PAH: variants seen among roughly 807,000 people sequenced by gnomAD.
PAH encodes phenylalanine hydroxylase, also known as phenylalanine-4-hydroxylase.
PAH carries 64 observed loss-of-function variants against 62.0 expected under a neutral mutation model. The observed-to-expected ratio is 1.03, with a 90% CI of 0.84 to 1.27. The LOEUF is 1.27. PAH is among the 50% of genes most tolerant of loss of function. The pLI is 0.00. For synonymous variants in PAH, 195 were observed against 196.2 expected (o/e 0.99, Z 0.05); for missense variants, 579 against 542.8 (o/e 1.07, Z -0.66).
At chr12:102,894,991 C>A in intron 2 of PAH, 73 bp from the exon 3 acceptor site, 1 of 1,093,234 alleles carries the variant, frequency 9.1e-7, no homozygotes, top group Non-Finnish European at 1.4e-6. Context: ...AGAACCAGAA[C>A]AGGAAAACCT....
chr12:102,919,886 T>C (rs34586248), upstream of PAH, among the ~76,000 whole-genome samples: 22,685 of 152,220 alleles, frequency 0.15, 1,760 homozygotes, highest in Middle Eastern at 0.16. Context: ...TTGGCTATTG[T>C]GAACAGTGCT....
At position 102,836,949 on chromosome 12, in the gene PAH, C is replaced by CT. The variant is rs1874389680; in HGVS notation, c.*2225dup. 6.6e-6 allele frequency: 1 copy of CT among 152,146 alleles called. No homozygotes were observed. The highest frequency in any genetic ancestry group is 2.1e-4 in the South Asian group (1 of 4,832). 9.4% of individuals were successfully genotyped at this position (152,146 alleles called of 1,614,324 possible). On this transcript the variant is annotated 3_prime_UTR_variant, in exon 13 of 13. Transcript: ENST00000553106. ...TTTGAAACACAACTAAATTATATAA[C>CT]TTAGAAACCTACAGTTAAAATTCAG...
chr12:102,923,738 A>AT (rs1878613912), intron 1 of PAH: 1 of 152,162 alleles, frequency 6.6e-6, no homozygotes, highest in African/African-American at 2.4e-5. Context: ...TATTTCTCTA[A>AT]TGGGATATTT....
chr12:102,900,717 GC>G (rs1755467498), intron 2 of PAH, among the ~76,000 whole-genome samples: 1 of 152,072 alleles, frequency 6.6e-6, no homozygotes, highest in Non-Finnish European at 1.5e-5. Context: ...AATTTTGATT[GC>G]TAAGAGAGCC....
chr12:102,877,625 T>C, intron 3 of PAH, 75 bp from the exon 4 acceptor site: 3 of 1,110,642 alleles, frequency 2.7e-6, no homozygotes, highest in Non-Finnish European at 4.2e-6. Flanking sequence ...AGATCAGAAG[T>C]GGGGATCCCA....
rs569268593 is a variant in PAH, at chr12:102,936,936, G to A, written c.-96+13653C>T. Among the ~76,000 whole-genome samples, 32 of 152,238 alleles carry A rather than the reference G, an allele frequency of 2.1e-4. No homozygotes were observed. In the South Asian group the frequency reaches 6.2e-3, roughly 30 times the overall value. On this transcript the variant is annotated intron_variant, in intron 1 of 3. Coordinates refer to the PAH transcript ENST00000546844. ...TCATAATCCCCACATGTAGTGGGAG[G>A]GACCTGCTGGGAGGTAATTTAATTA... is the stretch of plus-strand genomic sequence containing the variant.
At position 102,897,601 on chromosome 12, in the gene PAH, G is replaced by A. The variant is rs367686901; in HGVS notation, c.169-2683C>T. 8.5e-5 allele frequency among the ~76,000 whole-genome samples: 13 copies of A among 152,078 alleles called. No individual in the cohort carries two copies. In the South Asian group the frequency reaches 2.5e-3, roughly 29 times the overall value. ...AACATCACAAGTATAAATAGTCTTA[G>A]AGTTTTTAAGGAATGTAGCTGTGAT... On this transcript the variant is annotated intron_variant, in intron 2 of 12. Transcript: ENST00000553106.
At chr12:102,849,309 G>A (rs1297435146) in intron 8 of PAH, among the ~76,000 whole-genome samples, 1 of 152,204 alleles carries the variant, frequency 6.6e-6, no homozygotes, top group African/African-American at 2.4e-5. Context: ...GAAGGTTTGA[G>A]AAGGAAGATC....
At chr12:102,897,634 C>T (rs979006519) in intron 2 of PAH, among the ~76,000 whole-genome samples, 1 of 151,988 alleles carries the variant, frequency 6.6e-6, no homozygotes, top group Non-Finnish European at 1.5e-5. Flanking sequence ...GATGCATTAT[C>T]AGAAAAAAGG....
intron 8 of PAH, 21 bp from the exon 9 acceptor site, chr12:102,846,972 A>G: frequency 1.2e-6 from 2 of 1,608,042 alleles, no homozygotes; most frequent in South Asian, 1.1e-5. Flanking sequence ...GGGAAAATAG[A>G]ACCTGTTCTG....
chr12:102,938,497 T>G (rs529790353), intron 1 of PAH, among the ~76,000 whole-genome samples: 81 of 152,266 alleles, frequency 5.3e-4, no homozygotes, highest in African/African-American at 1.9e-3. Flanking sequence ...ATAGGGTTTG[T>G]GTCCACAGTG....
intron 3 of PAH, among the ~76,000 whole-genome samples, chr12:102,881,521 T>A (rs1876812441): frequency 1.3e-5 from 2 of 152,142 alleles, no homozygotes; most frequent in South Asian, 4.1e-4. Flanking sequence ...CACAGTAAAG[T>A]GTGATTAACA....
At chr12:102,896,356 C>T (rs1175142852) in intron 2 of PAH, among the ~76,000 whole-genome samples, 1 of 152,190 alleles carries the variant, frequency 6.6e-6, no homozygotes, top group Non-Finnish European at 1.5e-5. Context: ...TCAGAATAAT[C>T]ACAGGGTCAT....
chr12:102,848,838 G>A (rs1436317117), intron 8 of PAH, among the ~76,000 whole-genome samples: 5 of 127,790 alleles, frequency 3.9e-5, no homozygotes, highest in African/African-American at 1.3e-4. Flanking sequence ...CAATACCAGG[G>A]CACCGAAAGG....
intron 1 of PAH, among the ~76,000 whole-genome samples, chr12:102,934,360 A>G (rs564714777): frequency 3.3e-5 from 5 of 152,018 alleles, no homozygotes; most frequent in East Asian, 1.9e-4. Context: ...AGGTAATGCA[A>G]TTCCTCCAGT....
chr12:102,899,466 C>A (rs1353931189), intron 2 of PAH, among the ~76,000 whole-genome samples: 2 of 152,122 alleles, frequency 1.3e-5, no homozygotes, highest in African/African-American at 4.8e-5. Context: ...ATTCACATAG[C>A]ATTTCACCAA....
intron 3 of PAH, among the ~76,000 whole-genome samples, chr12:102,886,497 T>C (rs1877050042): frequency 6.6e-6 from 1 of 152,158 alleles, no homozygotes; most frequent in Non-Finnish European, 1.5e-5. Flanking sequence ...GGCCCCCATA[T>C]CCCCAAATAT....
chr12:102,857,498 A>G (rs1875493502), intron 5 of PAH, among the ~76,000 whole-genome samples: 1 of 152,208 alleles, frequency 6.6e-6, no homozygotes, highest in Non-Finnish European at 1.5e-5. Flanking sequence ...CCTCGAGAAG[A>G]GCAACTCCAA....
chr12:102,951,998 CAT>C (rs1259662798), upstream of PAH, among the ~76,000 whole-genome samples: 3 of 152,058 alleles, frequency 2.0e-5, no homozygotes, highest in Non-Finnish European at 2.9e-5. Flanking sequence ...GTCCAGTTGT[CAT>C]ATTAATTATT....
Sources: allele counts gnomAD v4.1 joint callset (sites outside exome capture counted in the v4.1 genomes callset), GRCh38; gene constraint gnomAD v4.1.1; transcripts MANE v1.5; gene names NCBI Gene and HGNC (gene_info 2026-07-23, HGNC 2026-07-21).